The following DCC variants were observed in gnomAD, a reference collection of about 807,000 sequenced individuals.
The protein encoded by DCC is netrin receptor DCC.
DCC carries 58 observed loss-of-function variants against 172.5 expected under a neutral mutation model. The observed-to-expected ratio is 0.34, with a 90% CI of 0.27 to 0.42. DCC has a LOEUF of 0.42. Among genes scored for constraint, DCC ranks in the 10% least tolerant of loss-of-function variants. The pLI is 1.00. For synonymous variants in DCC, 709 were observed against 644.5 expected, an observed-to-expected ratio of 1.10 and a Z score of -1.52; for missense variants, 1,740 against 1,791.0, an observed-to-expected ratio of 0.97 and a Z score of 0.51.
intron 9 of DCC, among the ~76,000 whole-genome samples, chr18:53,193,556 G>A (rs973256440): frequency 3.9e-5 from 6 of 152,082 alleles, no homozygotes; most frequent in African/African-American, 1.4e-4. Context: ...TAGCTTGAGT[G>A]AGTCTTCTGG....
chr18:53,186,803 G>A (rs966686999), intron 9 of DCC, among the ~76,000 whole-genome samples: 2 of 152,194 alleles, frequency 1.3e-5, no homozygotes, highest in African/African-American at 4.8e-5. Context: ...AGACTGAGAA[G>A]TCTGAGATTA....
chr18:53,233,238 C>T (rs1348473902), intron 12 of DCC, among the ~76,000 whole-genome samples: 1 of 152,146 alleles, frequency 6.6e-6, no homozygotes, highest in Non-Finnish European at 1.5e-5. Flanking sequence ...TTACATGTGT[C>T]ATCATACCAG....
At chr18:52,741,935 G>A (rs991691541) in intron 1 of DCC, among the ~76,000 whole-genome samples, 3 of 152,114 alleles carry the variant, frequency 2.0e-5, no homozygotes, top group Admixed American at 6.6e-5. Context: ...GGGACTTTGG[G>A]GAGATAATTA....
chr18:52,488,363 AAAC>A (rs1231465948), intron 1 of DCC, among the ~76,000 whole-genome samples: 2 of 152,262 alleles, frequency 1.3e-5, no homozygotes, highest in East Asian at 3.9e-4. Context: ...AAGAATGTGG[AAAC>A]AACGTAACTG....
At chr18:53,140,333 G>A (rs968727846) in intron 7 of DCC, among the ~76,000 whole-genome samples, 1 of 152,160 alleles carries the variant, frequency 6.6e-6, no homozygotes, top group Non-Finnish European at 1.5e-5. Context: ...ATTTGGTAGA[G>A]GTGAAAATGA....
At chr18:52,903,177 G>A (rs555439466) in intron 2 of DCC, among the ~76,000 whole-genome samples, 5 of 152,182 alleles carry the variant, frequency 3.3e-5, no homozygotes, top group African/African-American at 9.6e-5. Flanking sequence ...AAAGACATTC[G>A]GATGTAAAAT....
intron 2 of DCC, among the ~76,000 whole-genome samples, chr18:52,809,802 C>T (rs190059268): frequency 2.0e-5 from 3 of 152,320 alleles, no homozygotes; most frequent in African/African-American, 4.8e-5. Context: ...ACTCCCAACT[C>T]GAATGCCTGG....
At chr18:52,874,519 G>T (rs940256207) in intron 2 of DCC, among the ~76,000 whole-genome samples, 2 of 152,138 alleles carry the variant, frequency 1.3e-5, no homozygotes, top group Non-Finnish European at 2.9e-5. Context: ...CTTAGGAAAT[G>T]TTGAATATCC....
At chr18:53,214,086 C>T (rs2055806340) in intron 11 of DCC, among the ~76,000 whole-genome samples, 1 of 151,954 alleles carries the variant, frequency 6.6e-6, no homozygotes, top group African/African-American at 2.4e-5. Flanking sequence ...ATTGGGGTTA[C>T]ATTCTGTATT....
At chr18:52,812,839 G>A (rs942517489) in intron 2 of DCC, among the ~76,000 whole-genome samples, 5 of 152,160 alleles carry the variant, frequency 3.3e-5, no homozygotes, top group African/African-American at 1.2e-4. Context: ...ACACTGTTGG[G>A]CTGAGAATTT....
intron 5 of DCC, among the ~76,000 whole-genome samples, chr18:53,021,378 A>T (rs2041879530): frequency 6.6e-6 from 1 of 152,174 alleles, no homozygotes; most frequent in South Asian, 2.1e-4. Flanking sequence ...TTGAGCAGAG[A>T]GTATCACATG....
At chr18:53,233,755 G>C (rs1334363855) in intron 12 of DCC, among the ~76,000 whole-genome samples, 1 of 152,132 alleles carries the variant, frequency 6.6e-6, no homozygotes, top group African/African-American at 2.4e-5. Flanking sequence ...CATAGTTCAA[G>C]GCTCGAACCA....
At chr18:52,590,889 C>T (rs767297961) in intron 1 of DCC, among the ~76,000 whole-genome samples, 12 of 152,158 alleles carry the variant, frequency 7.9e-5, no homozygotes, top group East Asian at 1.9e-4. Flanking sequence ...AGTTAAAAGA[C>T]CATTAAGCTA....
intron 5 of DCC, among the ~76,000 whole-genome samples, chr18:53,000,162 C>T (rs1447932011): frequency 1.3e-5 from 2 of 152,132 alleles, no homozygotes; most frequent in African/African-American, 2.4e-5. Flanking sequence ...TTAAGCCACC[C>T]AGTTTGTGGT....
chr18:53,411,445 G>C (rs1909984126), intron 20 of DCC, among the ~76,000 whole-genome samples: 1 of 152,088 alleles, frequency 6.6e-6, no homozygotes, highest in Non-Finnish European at 1.5e-5. Flanking sequence ...GGATAACTTA[G>C]CTCTTAAATC....
intron 15 of DCC, among the ~76,000 whole-genome samples, chr18:53,364,234 A>G (rs954123747): frequency 2.0e-5 from 3 of 152,146 alleles, no homozygotes; most frequent in South Asian, 2.1e-4. Flanking sequence ...CAATTTCCAC[A>G]CCGTCAAATT....
At chr18:52,430,374 A>G (rs960231172) in intron 1 of DCC, among the ~76,000 whole-genome samples, 1 of 147,858 alleles carries the variant, frequency 6.8e-6, no homozygotes, top group Non-Finnish European at 1.5e-5. Flanking sequence ...ATGTGAATGC[A>G]ACATACTTTT....
intron 2 of DCC, among the ~76,000 whole-genome samples, chr18:52,868,873 G>T (rs974965253): frequency 6.6e-6 from 1 of 152,210 alleles, no homozygotes; most frequent in Non-Finnish European, 1.5e-5. Context: ...GCTGCCATGG[G>T]GCAGGAAGCT....
intron 1 of DCC, among the ~76,000 whole-genome samples, chr18:52,573,258 A>G (rs897261651): frequency 6.6e-6 from 1 of 152,162 alleles, no homozygotes; most frequent in African/African-American, 2.4e-5. Flanking sequence ...TTTAAAAAAA[A>G]TAAATGCATA....
Sources: allele counts gnomAD v4.1 joint callset (sites outside exome capture counted in the v4.1 genomes callset), GRCh38; gene constraint gnomAD v4.1.1; transcripts MANE v1.5; gene names NCBI Gene and HGNC (gene_info 2026-07-23, HGNC 2026-07-21).